Variants in HYAL1 observed in about 807,000 individuals in gnomAD.
HYAL1 encodes the protein hyaluronidase-1.
A neutral mutation model predicts 28.8 loss-of-function variants in HYAL1; 21 were observed. The observed-to-expected ratio is 0.73, with a 90% CI of 0.52 to 1.05. The LOEUF is 1.05. Ranked by LOEUF, HYAL1 falls within the 50% of genes least tolerant of loss-of-function variation. HYAL1 has a pLI of 0.00. For missense variants in HYAL1, 491 were observed against 579.2 expected (o/e 0.85, Z 1.56); for synonymous variants, 200 against 230.1 (o/e 0.87, Z 1.18).
chr3:50,300,811 AG>A lies in HYAL1; in HGVS notation c.991-12del. On this transcript the variant is annotated splice_polypyrimidine_tract_variant and intron_variant, in intron 3 of 3. Transcript: ENST00000395144. ...GGCCTGACATGATTCCTAGGTGGGA[AG>A]GGAGGATAGCGTCAGGGACACCATG... 6.2e-7 allele frequency: 1 copy of A among 1,612,800 alleles called. No individual in the cohort carries two copies. The highest frequency in any genetic ancestry group is 8.5e-7 in the Non-Finnish European group (1 of 1,179,384).
chr3:50,300,825 C>A (rs1268579999), intron 3 of HYAL1, 25 bp from the exon 4 acceptor site: 27 of 1,609,216 alleles, frequency 1.7e-5, no homozygotes, highest in Non-Finnish European at 2.3e-5. Context: ...AGGATAGCGT[C>A]AGGGACACCA....
upstream of HYAL1, among the ~76,000 whole-genome samples, chr3:50,304,515 T>TGCTTGA (rs1702297594): frequency 6.7e-6 from 1 of 149,092 alleles, no homozygotes; most frequent in Non-Finnish European, 1.5e-5. Context: ...GCAGGAGGAG[T>TGCTTGA]GCTTGAGCCC....
upstream of HYAL1, chr3:50,304,258 G>C (rs1469066442): frequency 9.5e-6 from 1 of 105,704 alleles, no homozygotes; most frequent in African/African-American, 3.6e-5. Flanking sequence ...CTGGGTGACA[G>C]AGAGCGACTC....
At chr3:50,303,190 C>T in intron 1 of HYAL1, 1 of 490,028 alleles carries the variant, frequency 2.0e-6, no homozygotes, top group South Asian at 3.6e-5. Context: ...TCAGACCAGG[C>T]CTCTGCCATC....
At position 50,300,575 on chromosome 3, in the gene HYAL1, G is replaced by T. The variant is rs1553712424; in HGVS notation, c.1216C>A (p.Leu406Ile). 1 of 1,614,248 alleles carries T rather than the reference G, an allele frequency of 6.2e-7. No individual in the cohort carries two copies. The highest frequency in any genetic ancestry group is 1.3e-5 in the African/African-American group (1 of 75,076). ...ACAGCCATCTGTGCCTGATCTTCAA[G>T]TGAGAGGGCACCCCGCAGGCTCAGG... ...GPLSLRGALS[L>I]EDQAQMAVEF... is the part of the protein sequence containing the mutation. The change falls in exon 4 of 4, where the codon CTT becomes ATT. Residue 406 changes from leucine to isoleucine, a missense_variant. Coordinates refer to ENST00000395144, the MANE Select transcript of HYAL1 (RefSeq NM_033159.4).
Position 50,300,450 on chromosome 3 carries a change from G to T in HYAL1, c.*33C>A, listed in dbSNP as rs369209010. 2.5e-6 allele frequency: 4 copies of T among 1,610,122 alleles called. No homozygotes were observed. The highest frequency in any genetic ancestry group is 3.4e-6 in the Non-Finnish European group (4 of 1,176,630). On this transcript the variant is annotated 3_prime_UTR_variant, in exon 4 of 4. Transcript: ENST00000395144. ...CCTGGCCAGACCCAGAGTGCATTAG[G>T]TTCTCAATATGTGCAACTCAGTGTG...
rs1039837319 is a variant in HYAL1, at chr3:50,302,724, T to C, written c.233A>G (p.Gln78Arg). 2 of 1,613,998 alleles carry C rather than the reference T, an allele frequency of 1.2e-6. No homozygotes were observed. Among genetic ancestry groups the C allele is most frequent in the Middle Eastern group, 1.6e-4 (1 of 6,062 alleles). Residue 78 changes from glutamine (Q) to arginine (R), a missense_variant, in exon 2 of 4, where the codon CAG (glutamine) becomes CGG (arginine). Gln to Arg is a conservative substitution (Grantham distance 43). Transcript: ENST00000395144. The surrounding 1 kb of genome is among the most constrained non-coding windows in gnomAD (Gnocchi z 5.0). ...CGTGTAGTAGGGGTAGGTGCCCAGC[T>C]GGGAGCTATAGAAAATTGTCATGTC... Reference protein sequence around the residue: ...GPDMTIFYSSQLGTYPYYTPT... With the variant: ...GPDMTIFYSSRLGTYPYYTPT...
In HYAL1 at chr3:50,312,073, C is replaced by T. The variant is rs1350804479; in HGVS notation, c.-310+191G>A. Among the ~76,000 whole-genome samples, 6 of 130,390 alleles carry T rather than the reference C, an allele frequency of 4.6e-5. No individual in the cohort carries two copies. In the East Asian group the frequency reaches 9.6e-4, roughly 21 times the overall value. 85.5% of individuals were successfully genotyped at this position (130,390 alleles called of 152,430 possible). ...GGCGGCTGGCCGGGCGGGGGGCTGA[C>T]CCCCCCACCTCCCTCCCGGACGGGG... On this transcript the variant is annotated intron_variant, in intron 1 of 5. Transcript: ENST00000320295.
At chr3:50,301,772 G>A (rs1169955062) in intron 2 of HYAL1, among the ~76,000 whole-genome samples, 1 of 152,098 alleles carries the variant, frequency 6.6e-6, no homozygotes, top group Non-Finnish European at 1.5e-5. Context: ...CTAACACAGT[G>A]AAACCCTGAC....
upstream of HYAL1, among the ~76,000 whole-genome samples, chr3:50,305,854 A>G (rs1702326556): frequency 6.6e-6 from 1 of 151,368 alleles, no homozygotes; most frequent in Non-Finnish European, 1.5e-5. Context: ...TTACGTATTG[A>G]TAGATGTCTC....
Position 50,302,620 on chromosome 3 carries a change from T to C in HYAL1, c.337A>G (p.Ile113Val). ...IAHLARTFQD[I>V]LAAIPAPDFS... ...TCAGGAGCAGGTATGGCAGCCAGGA[T>C]GTCCTGGAATGTGCGGGCCAGGTGG... Residue 113 changes from isoleucine (I) to valine (V), a missense_variant, in exon 2 of 4, where the codon ATC (isoleucine) becomes GTC (valine). By Grantham distance (29) the Ile-to-Val change is conservative. Coordinates refer to ENST00000395144, the MANE Select transcript of HYAL1 (RefSeq NM_033159.4). This position sits in a 1 kb window ranked among gnomAD's most constrained non-coding sequence, Gnocchi z 5.0. 1 of 1,614,150 alleles carries C rather than the reference T, an allele frequency of 6.2e-7. No homozygotes were observed. The highest frequency in any genetic ancestry group is 1.3e-5 in the African/African-American group (1 of 75,054).
At chr3:50,307,081 A>G (rs914442784), upstream of HYAL1, among the ~76,000 whole-genome samples, 2 of 150,108 alleles carry the variant, frequency 1.3e-5, no homozygotes, top group Admixed American at 1.3e-4. Flanking sequence ...AAAAAAAAAA[A>G]ATAAGCCGGG....
In HYAL1 at chr3:50,302,671, GACC is replaced by G. The variant is rs1553713320; in HGVS notation, c.283_285del (p.Gly95del). On this transcript the variant is annotated inframe_deletion, in exon 2 of 4. Coordinates refer to ENST00000395144, the MANE Select transcript of HYAL1 (RefSeq NM_033159.4). This position sits in a 1 kb window ranked among gnomAD's most constrained non-coding sequence, Gnocchi z 5.0. ...GCAATCAGGCTGGCATTCTGGGGCA[GACC>G]ACCAAACACAGGCTCCCCAGTGGGC... The G allele has an allele frequency of 1.9e-6, 3 of 1,614,146 alleles. No individual in the cohort carries two copies. The South Asian group carries it at 3.3e-5, about 18-fold the overall frequency.
chr3:50,305,397 C>G (rs1702318088), upstream of HYAL1, among the ~76,000 whole-genome samples: 1 of 151,774 alleles, frequency 6.6e-6, no homozygotes, highest in African/African-American at 2.4e-5. Flanking sequence ...GCGCCCGCCA[C>G]CACGCCTGGC....
chr3:50,304,401 GACC>G (rs1553713722), upstream of HYAL1, among the ~76,000 whole-genome samples: 1 of 137,236 alleles, frequency 7.3e-6, no homozygotes, highest in Non-Finnish European at 1.6e-5. Flanking sequence ...AGGAGTTCGA[GACC>G]AGCCTAGGCA....
At chr3:50,306,625 A>G (rs57944420), upstream of HYAL1, among the ~76,000 whole-genome samples, 12,802 of 151,092 alleles carry the variant, frequency 0.085, 2,102 homozygotes, top group East Asian at 0.6. Flanking sequence ...GGTGGCTCAC[A>G]CCCGTAATCC....
At chr3:50,301,154 A>T in intron 2 of HYAL1, 77 bp from the exon 3 acceptor site, 1 of 970,132 alleles carries the variant, frequency 1.0e-6, no homozygotes, top group Non-Finnish European at 1.6e-6. Flanking sequence ...ATTAGATGGG[A>T]CAAATAATTC....
Position 50,302,894 on chromosome 3 carries a change from G to C in HYAL1, c.63C>G (p.Gly21=). Residue 21 remains glycine, a synonymous_variant, in exon 2 of 4, where the codon GGC becomes GGG. Coordinates refer to ENST00000395144, the MANE Select transcript of HYAL1 (RefSeq NM_033159.4). This position sits in a 1 kb window ranked among gnomAD's most constrained non-coding sequence, Gnocchi z 5.0. ...GGTTGGGTAGCAAGGGGCCCCTAAA[G>C]CCTTGGGCCATATCGAGTAAGGTCA... ...LFLTLLDMAQ[G]FRGPLLPNRP... The C allele has an allele frequency of 6.2e-7, 1 of 1,609,984 alleles. No homozygotes were observed. Among genetic ancestry groups the C allele is most frequent in the Admixed American group, 1.7e-5 (1 of 59,826 alleles).
chr3:50,306,219 C>CTTTTTTTTTTT (rs1173166946), upstream of HYAL1, among the ~76,000 whole-genome samples: 1 of 84,456 alleles, frequency 1.2e-5, no homozygotes, highest in East Asian at 4.5e-4. Flanking sequence ...CTGTACAACT[C>CTTTTTTTTTTT]TTTTTTTTTT....
Sources: allele counts gnomAD v4.1 joint callset (sites outside exome capture counted in the v4.1 genomes callset), GRCh38; gene constraint gnomAD v4.1.1; non-coding constraint Gnocchi (gnomAD v3.1); transcripts MANE v1.5; gene names NCBI Gene and HGNC (gene_info 2026-07-23, HGNC 2026-07-21).